Variants in CEP164 observed in about 807,000 individuals in gnomAD.
The protein encoded by CEP164 is centrosomal protein of 164 kDa.
In CEP164, 162 loss-of-function variants were observed where a neutral mutation model predicts 182.7. The observed-to-expected ratio is 0.89, with a 90% CI of 0.78 to 1.01. The LOEUF (loss-of-function observed/expected upper bound fraction) is 1.01. Ranked by LOEUF, CEP164 falls within the 50% of genes least tolerant of loss-of-function variation. The pLI, the probability that CEP164 is intolerant of heterozygous loss-of-function variation, is 0.00. For synonymous variants in CEP164, 661 were observed against 690.0 expected, an observed-to-expected ratio of 0.96 and a Z score of 0.66; for missense variants, 1,735 against 1,790.4, an observed-to-expected ratio of 0.97 and a Z score of 0.56.
chr11:117,370,955 T>C (rs545193268), intron 8 of CEP164, 125 bp from the exon 9 acceptor site: 75 of 965,524 alleles, frequency 7.8e-5, no homozygotes, highest in Middle Eastern at 2.8e-4. Flanking sequence ...TTGATAACCA[T>C]TGGGGCAGAA....
intron 19 of CEP164, 41 bp downstream of exon 19, chr11:117,392,668 G>A (rs1451782333): frequency 2.5e-6 from 4 of 1,602,702 alleles, no homozygotes; most frequent in African/African-American, 2.7e-5. Flanking sequence ...TGCGCCTGTT[G>A]TGGACTCTCT....
Position 117,409,706 on chromosome 11 carries a change from C to G in CEP164, c.3837C>G (p.Leu1279=). Residue 1279 remains leucine (L), a synonymous_variant, in exon 30 of 33, where the codon CTC becomes CTG. Coordinates refer to ENST00000278935, the MANE Select transcript of CEP164 (RefSeq NM_014956.5). This position sits in a 1 kb window ranked among gnomAD's most constrained non-coding sequence, Gnocchi z 4.4. Reference sequence around the variant, plus strand: ...TCAGCAGCCAGCTGAGCAGTGTCCTCAGCATCCTGGACAGCCTCAACCCTC... The same window carrying G: ...TCAGCAGCCAGCTGAGCAGTGTCCTGAGCATCCTGGACAGCCTCAACCCTC... ...RQISSQLSSV[L]SILDSLNPQS... 6.2e-7 allele frequency: 1 copy of G among 1,614,214 alleles called. No homozygotes were observed. The highest frequency in any genetic ancestry group is 8.5e-7 in the Non-Finnish European group (1 of 1,180,034).
chr11:117,412,076 C>T lies in CEP164; in HGVS notation c.4291C>T (p.Leu1431Phe), dbSNP rs775086155. 3.1e-6 allele frequency: 5 copies of T among 1,614,170 alleles called. No individual in the cohort carries two copies. The East Asian group carries it at 8.9e-5, about 29-fold the overall frequency. ...TTTCCTTCACCTTGTGGCCAGACCTCTCTTCTCGTCAACACCCAAGCCAAA... is the reference window on the plus strand; with the variant it reads ...TTTCCTTCACCTTGTGGCCAGACCTTTCTTCTCGTCAACACCCAAGCCAAA... Reference protein sequence around the residue: ...ERVKNDPRLPLFSSTPKPKAT... With the variant: ...ERVKNDPRLPFFSSTPKPKAT... The change falls in exon 33 of 33, where the codon CTC becomes TTC. Residue 1431 changes from leucine (L) to phenylalanine (F), a missense_variant. Physicochemically the swap from Leu to Phe is conservative, Grantham distance 22 (BLOSUM62 0). Transcript: ENST00000278935.
intron 4 of CEP164, among the ~76,000 whole-genome samples, chr11:117,346,527 G>C (rs993196320): frequency 4.6e-5 from 7 of 151,556 alleles, no homozygotes; most frequent in Non-Finnish European, 1.0e-4. Flanking sequence ...AAAGTGCTGG[G>C]ATTACAGGCG....
At chr11:117,366,262 C>T (rs1053576873) in intron 8 of CEP164, among the ~76,000 whole-genome samples, 2 of 151,988 alleles carry the variant, frequency 1.3e-5, no homozygotes, top group Non-Finnish European at 2.9e-5. Flanking sequence ...CTGAACTGCC[C>T]ACCTTTCCCC....
At chr11:117,346,699 G>A (rs139019041) in intron 4 of CEP164, among the ~76,000 whole-genome samples, 11 of 152,168 alleles carry the variant, frequency 7.2e-5, no homozygotes, top group Middle Eastern at 3.4e-3. Flanking sequence ...CTCTGTCTCT[G>A]TAGAAAATTC....
At position 117,396,566 on chromosome 11, in the gene CEP164, T is replaced by A; in HGVS notation, c.3233T>A (p.Val1078Glu). Residue 1078 changes from valine (V) to glutamate (E), a missense_variant, in exon 26 of 33, where the codon GTG (valine) becomes GAG (glutamate). By Grantham distance (121) the Val-to-Glu change is moderately radical (BLOSUM62 -2). Transcript: ENST00000278935. ...TGTCCCTAGAACCAGACCAAAGAGG[T>A]GTCTTCTTCTCTCTCCCAGAGCAAG... Reference protein sequence around the residue: ...KSLGTNQTKEVSSSLSQSKED... With the variant: ...KSLGTNQTKEESSSLSQSKED... 1 of 1,613,748 alleles carries A rather than the reference T, an allele frequency of 6.2e-7. No individual in the cohort carries two copies. The highest frequency in any genetic ancestry group is 1.1e-5 in the South Asian group (1 of 91,074).
chr11:117,392,671 G>T, intron 19 of CEP164, 44 bp downstream of exon 19: 1 of 1,601,694 alleles, frequency 6.2e-7, no homozygotes, highest in South Asian at 1.1e-5. Context: ...GCCTGTTGTG[G>T]ACTCTCTTAC....
chr11:117,387,599 G>A (rs367692492), intron 15 of CEP164, among the ~76,000 whole-genome samples, 187 bp downstream of exon 15: 21 of 152,308 alleles, frequency 1.4e-4, no homozygotes, highest in African/African-American at 4.1e-4. Context: ...GAGAACACTC[G>A]GAAATGTAGT....
chr11:117,363,424 T>G lies in CEP164; in HGVS notation c.688-5T>G. 1 of 1,611,476 alleles carries G rather than the reference T, an allele frequency of 6.2e-7. No individual in the cohort carries two copies. The highest frequency in any genetic ancestry group is 1.3e-5 in the African/African-American group (1 of 74,998). ...GTTACCACTTGTCATCATTTTTGTT[T>G]CTAGAGTGTCCACAGCTCAAGTGAG... is the stretch of plus-strand genomic sequence containing the variant. On this transcript the variant is annotated splice_polypyrimidine_tract_variant and splice_region_variant and intron_variant, in intron 7 of 32. Coordinates refer to ENST00000278935, the MANE Select transcript of CEP164 (RefSeq NM_014956.5).
intron 5 of CEP164, chr11:117,356,051 C>T (rs1266527566): frequency 1.8e-6 from 2 of 1,119,710 alleles, no homozygotes; most frequent in Non-Finnish European, 2.2e-6. Flanking sequence ...CCTGGGCTCT[C>T]CTGTCCTGGA....
intron 25 of CEP164, 27 bp downstream of exon 25, chr11:117,396,207 C>T: frequency 1.9e-6 from 1 of 537,600 alleles, no homozygotes; most frequent in Non-Finnish European, 3.6e-6. Flanking sequence ...GGCCTGGGGG[C>T]TGGGGCACCA....
In CEP164 at chr11:117,381,691, G is replaced by T. The variant is rs1436374714; in HGVS notation, c.1410-10G>T. 6.2e-7 allele frequency: 1 copy of T among 1,604,470 alleles called. No homozygotes were observed. The highest frequency in any genetic ancestry group is 8.5e-7 in the Non-Finnish European group (1 of 1,175,804). On this transcript the variant is annotated splice_polypyrimidine_tract_variant and intron_variant, in intron 12 of 32. Coordinates refer to ENST00000278935, the MANE Select transcript of CEP164 (RefSeq NM_014956.5). ...GGGCCTGACTCTGCTGCTCTGCCCG[G>T]CCTGACCAGGTTATCTCCTCCACTT...
At chr11:117,378,845 A>G (rs1410949357) in intron 11 of CEP164, among the ~76,000 whole-genome samples, 3 of 152,224 alleles carry the variant, frequency 2.0e-5, no homozygotes, top group African/African-American at 7.2e-5. Context: ...CCAGAAAGCC[A>G]TGGTCTGCAG....
At chr11:117,400,950 C>A (rs530947864) in intron 27 of CEP164, among the ~76,000 whole-genome samples, 1 of 152,160 alleles carries the variant, frequency 6.6e-6, no homozygotes, top group Non-Finnish European at 1.5e-5. Flanking sequence ...CATTTGACTT[C>A]CTCTCTTCCT....
At chr11:117,332,213 G>A (rs1363247092) in intron 1 of CEP164, among the ~76,000 whole-genome samples, 2 of 152,090 alleles carry the variant, frequency 1.3e-5, no homozygotes, top group Non-Finnish European at 2.9e-5. Context: ...GAAAATTCCA[G>A]AGGAGGAGAC....
intron 3 of CEP164, among the ~76,000 whole-genome samples, chr11:117,339,522 G>GTTTTTTTTTTT (rs61258101): frequency 5.3e-5 from 3 of 56,190 alleles, no homozygotes; most frequent in African/African-American, 1.4e-4. Flanking sequence ...TTTGTTTTTT[G>GTTTTTTTTTTT]TTTTTTTTTT....
rs757204424 is a variant in CEP164, at chr11:117,338,562, C to G, written c.-21-4C>G. On this transcript the variant is annotated splice_region_variant and splice_polypyrimidine_tract_variant and intron_variant, in intron 2 of 32. Coordinates refer to ENST00000278935, the MANE Select transcript of CEP164 (RefSeq NM_014956.5). ...CTCTTTTGGTGGGGGCCTCTGGGAT[C>G]TAGGTGTTTGAGCCCAGATGAGTCA... 2 of 1,605,084 alleles carry G rather than the reference C, an allele frequency of 1.2e-6. No homozygotes were observed. The highest frequency in any genetic ancestry group is 4.5e-5 in the East Asian group (2 of 44,826).
chr11:117,389,278 GA>G lies in CEP164; in HGVS notation c.1935-1498del, dbSNP rs571418471. The stretch of plus-strand genomic sequence containing the variant: ...GCTGTGTGAGGAGTTACCCAAAAAG[GA>G]TGTGGTTTGTGTAAGCAGGGGGATG... On this transcript the variant is annotated intron_variant, in intron 15 of 32. Transcript: ENST00000278935. Among the ~76,000 whole-genome samples, 28 of 152,218 alleles carry G rather than the reference GA, an allele frequency of 1.8e-4. 1 individual carries two copies. The South Asian group carries it at 5.8e-3, about 32-fold the overall frequency.
Sources: gnomAD v4.1 joint callset for allele counts (sites outside exome capture counted in the v4.1 genomes callset) on GRCh38, gnomAD v4.1.1 for gene constraint, Gnocchi (gnomAD v3.1) non-coding constraint, MANE v1.5 for transcripts, NCBI Gene and HGNC (gene_info 2026-07-23, HGNC 2026-07-21) for gene names.